The following PTPRG variants were observed in gnomAD, a reference collection of about 807,000 sequenced individuals.
The protein encoded by PTPRG is protein tyrosine phosphatase receptor type G.
Under a neutral mutation model 165.3 loss-of-function variants are expected in PTPRG, and 102 were observed. That is an observed-to-expected ratio of 0.62 (90% CI 0.53 to 0.73). The LOEUF (loss-of-function observed/expected upper bound fraction) is 0.73. PTPRG is among the 30% of genes least tolerant of loss of function. PTPRG has a pLI of 0.00. For missense variants in PTPRG, 1,866 were observed against 1,861.4 expected (o/e 1.00, Z -0.05); for synonymous variants, 675 against 669.5 (o/e 1.01, Z -0.13).
At chr3:61,784,193 C>T (rs1356525943) in intron 2 of PTPRG, among the ~76,000 whole-genome samples, 6 of 152,098 alleles carry the variant, frequency 3.9e-5, no homozygotes, top group East Asian at 1.9e-4. Flanking sequence ...GTGATGTCAG[C>T]GGGGCCACAC....
intron 6 of PTPRG, among the ~76,000 whole-genome samples, chr3:62,143,987 T>C (rs756910104): frequency 6.6e-6 from 1 of 152,160 alleles, no homozygotes; most frequent in Non-Finnish European, 1.5e-5. Flanking sequence ...GCCCTCTAAA[T>C]CAGTGGTCAG....
At chr3:61,564,163 C>G (rs763168604) in intron 1 of PTPRG, among the ~76,000 whole-genome samples, 1 of 152,242 alleles carries the variant, frequency 6.6e-6, no homozygotes, top group East Asian at 1.9e-4. Context: ...AAGATCACTG[C>G]TCAGTATTTG....
chr3:61,574,097 A>G (rs938959), intron 1 of PTPRG, among the ~76,000 whole-genome samples: 82,762 of 151,720 alleles, frequency 0.55, 22,785 homozygotes, highest in Admixed American at 0.62. Context: ...TCATTGTATC[A>G]AAAGTGGCCT....
intron 2 of PTPRG, among the ~76,000 whole-genome samples, chr3:61,905,737 G>C (rs189936135): frequency 1.3e-5 from 2 of 152,192 alleles, no homozygotes; most frequent in South Asian, 4.1e-4. Flanking sequence ...TCTATGGTGG[G>C]ATAAACAGGG....
At chr3:62,183,803 A>G (rs1705759072) in intron 8 of PTPRG, among the ~76,000 whole-genome samples, 1 of 152,132 alleles carries the variant, frequency 6.6e-6, no homozygotes, top group Admixed American at 6.5e-5. Context: ...TTGAGAACTG[A>G]GAAGGGAGTG....
intron 15 of PTPRG, among the ~76,000 whole-genome samples, chr3:62,244,583 T>G (rs1299793843): frequency 6.6e-6 from 1 of 152,162 alleles, no homozygotes; most frequent in East Asian, 1.9e-4. Context: ...TTTAGATACA[T>G]CTATCCTCTT....
intron 1 of PTPRG, among the ~76,000 whole-genome samples, chr3:61,618,425 C>G (rs1701360375): frequency 6.6e-6 from 1 of 152,086 alleles, no homozygotes; most frequent in South Asian, 2.1e-4. Context: ...CATTCCCTTG[C>G]AAGGATGTGC....
At chr3:61,772,058 T>TAAAA (rs71100977) in intron 2 of PTPRG, among the ~76,000 whole-genome samples, 75 of 64,690 alleles carry the variant, frequency 1.2e-3, no homozygotes, top group South Asian at 1.4e-3. Context: ...AGACTCTGTC[T>TAAAA]AAAAAAAAAA....
At chr3:62,120,511 G>A (rs568081956) in intron 5 of PTPRG, among the ~76,000 whole-genome samples, 2 of 85,604 alleles carry the variant, frequency 2.3e-5, no homozygotes, top group East Asian at 1.1e-3. Context: ...AGTGCTTTGG[G>A]AGGCCGAGGT....
At chr3:61,821,512 T>G (rs2035957133) in intron 2 of PTPRG, among the ~76,000 whole-genome samples, 1 of 152,238 alleles carries the variant, frequency 6.6e-6, no homozygotes, top group Non-Finnish European at 1.5e-5. Context: ...TTACAGTTTT[T>G]ACATTTCTTA....
intron 1 of PTPRG, among the ~76,000 whole-genome samples, chr3:61,587,767 C>T (rs944594833): frequency 6.6e-6 from 1 of 152,060 alleles, no homozygotes; most frequent in Non-Finnish European, 1.5e-5. Flanking sequence ...AGCAATCCTC[C>T]CACCTCAGCC....
At chr3:62,088,032 G>C (rs1415360498) in intron 5 of PTPRG, among the ~76,000 whole-genome samples, 1 of 152,192 alleles carries the variant, frequency 6.6e-6, no homozygotes, top group African/African-American at 2.4e-5. Flanking sequence ...TAGTGTGAGT[G>C]AATGGGGTAA....
intron 1 of PTPRG, among the ~76,000 whole-genome samples, chr3:61,575,081 G>A (rs573619823): frequency 2.8e-4 from 42 of 152,280 alleles, no homozygotes; most frequent in African/African-American, 8.2e-4. Flanking sequence ...CCATAGCAGC[G>A]CATAACTTTA....
chr3:62,297,347 G>A lies in PTPRG; in HGVS notation c.*4040G>A, dbSNP rs1391757296. On this transcript the variant is annotated 3_prime_UTR_variant, in exon 30 of 30. Transcript: ENST00000474889. ...TTTCTTTGAGGCAGTGATTGTGAAA[G>A]TTGGGTTTTCTTTTTAATTCCATTG... 1.3e-5 allele frequency: 2 copies of A among 151,548 alleles called. No homozygotes were observed. Among genetic ancestry groups the A allele is most frequent in the Non-Finnish European group, 2.9e-5 (2 of 67,866 alleles). The allele number at this position is 151,548 out of a possible 1,614,324, so 9.4% of individuals were successfully genotyped here. A position where few individuals can be genotyped will look rare whatever the true frequency, so the allele number is the denominator to read the frequency against.
intron 16 of PTPRG, among the ~76,000 whole-genome samples, chr3:62,258,976 A>G (rs1701615676): frequency 6.6e-6 from 1 of 152,226 alleles, no homozygotes; most frequent in African/African-American, 2.4e-5. Flanking sequence ...CAGAAGAATT[A>G]ACAGGCAGGG....
At chr3:61,618,350 A>G (rs1162288905) in intron 1 of PTPRG, among the ~76,000 whole-genome samples, 1 of 152,186 alleles carries the variant, frequency 6.6e-6, no homozygotes, top group Non-Finnish European at 1.5e-5. Context: ...AGACTCCAGC[A>G]TGAGAGGGGG....
rs185875126 is a variant in PTPRG at position 61,826,271 on chromosome 3, C to T, written c.190+77289C>T. Among the ~76,000 whole-genome samples the T allele has an allele frequency of 2.2e-4, 33 of 152,232 alleles. No homozygotes were observed. In the East Asian group the frequency reaches 2.7e-3, roughly 12 times the overall value. On this transcript the variant is annotated intron_variant, in intron 2 of 29. Coordinates refer to ENST00000474889, the MANE Select transcript of PTPRG (RefSeq NM_002841.4). ...TCTGTAAAAGGGACTCTTTCCCCTA[C>T]GGTGAGTAGTATATAGTGAATATCA...
intron 3 of PTPRG, among the ~76,000 whole-genome samples, chr3:61,991,864 C>G (rs1338649414): frequency 6.6e-6 from 1 of 152,164 alleles, no homozygotes; most frequent in African/African-American, 2.4e-5. Context: ...TCACCAATGA[C>G]AGGTTTTAGA....
At chr3:61,709,702 T>C (rs954986941) in intron 1 of PTPRG, among the ~76,000 whole-genome samples, 1 of 152,208 alleles carries the variant, frequency 6.6e-6, no homozygotes, top group Non-Finnish European at 1.5e-5. Flanking sequence ...TCTAGCCGTG[T>C]ATGGAAAAAT....
Sources: allele counts gnomAD v4.1 joint callset (sites outside exome capture counted in the v4.1 genomes callset), GRCh38; gene constraint gnomAD v4.1.1; transcripts MANE v1.5; gene names NCBI Gene and HGNC (gene_info 2026-07-23, HGNC 2026-07-21).